Variants in RPP14 observed in about 807,000 individuals in gnomAD.
RPP14 encodes ribonuclease P protein subunit p14.
RPP14 carries 19 observed loss-of-function variants against 17.8 expected under a neutral mutation model. The observed-to-expected ratio is 1.07, with a 90% CI of 0.74 to 1.57. The LOEUF (loss-of-function observed/expected upper bound fraction) is 1.57, where lower values mean the gene tolerates loss of function less well. Among genes scored for constraint, RPP14 ranks in the 40% most tolerant of loss-of-function variants. RPP14 has a pLI of 0.00. For missense variants in RPP14, 125 were observed against 140.8 expected (o/e 0.89, Z 0.57); for synonymous variants, 60 against 56.4 (o/e 1.06, Z -0.29).
rs369455737 is a variant in RPP14, at chr3:58,316,134, A to G, written c.163-381A>G. Among the ~76,000 whole-genome samples the G allele has an allele frequency of 2.1e-3, 320 of 152,384 alleles. 2 individuals are homozygous for G. Among genetic ancestry groups the G allele is most frequent in the Middle Eastern group, 3.4e-3 (1 of 294 alleles). ...AACAAACAGACATGGCCTCTGCCACATGGACTAATGTCTTGGTTCTTGTAG... is the reference window on the plus strand; with the variant it reads ...AACAAACAGACATGGCCTCTGCCACGTGGACTAATGTCTTGGTTCTTGTAG... On this transcript the variant is annotated intron_variant, in intron 3 of 5. Transcript: ENST00000295959.
intron 3 of RPP14, chr3:58,315,624 T>G (rs534177589): frequency 1.3e-5 from 2 of 152,234 alleles, no homozygotes; most frequent in Non-Finnish European, 2.9e-5. Flanking sequence ...GACATTGACA[T>G]TGTGGGAGGC....
Position 58,319,036 on chromosome 3 carries a change from T to C in RPP14, c.*1540T>C, listed in dbSNP as rs2097491624. On this transcript the variant is annotated 3_prime_UTR_variant, in exon 6 of 6. Coordinates refer to ENST00000295959, the MANE Select transcript of RPP14 (RefSeq NM_007042.6). ...CTACTTTTAGAAATTCAGACCTAGATAGATTTGCATTTGGATAACAAATCC... is the reference window on the plus strand; with the variant it reads ...CTACTTTTAGAAATTCAGACCTAGACAGATTTGCATTTGGATAACAAATCC... 6.6e-6 allele frequency: 1 copy of C among 152,038 alleles called. No homozygotes were observed. Among genetic ancestry groups the C allele is most frequent in the Non-Finnish European group, 1.5e-5 (1 of 68,000 alleles). 9.4% of individuals were successfully genotyped at this position (152,038 alleles called of 1,614,324 possible).
chr3:58,310,126 G>A (rs531920880), intron 1 of RPP14, 183 bp from the exon 2 acceptor site: 9 of 564,090 alleles, frequency 1.6e-5, no homozygotes, highest in Admixed American at 6.2e-5. Context: ...CCTGAGCCTC[G>A]AGAGCCAGAG....
chr3:58,317,096 T>G, intron 5 of RPP14, 103 bp downstream of exon 5: 4 of 831,076 alleles, frequency 4.8e-6, no homozygotes, highest in Non-Finnish European at 2.0e-6. Context: ...TGTAATATGG[T>G]TAAAATGATC....
intron 4 of RPP14, 147 bp downstream of exon 4, chr3:58,316,738 C>A: frequency 1.1e-6 from 1 of 881,714 alleles, no homozygotes; most frequent in Non-Finnish European, 1.8e-6. Flanking sequence ...TATGAACATT[C>A]ATCCACCAGA....
chr3:58,315,089 C>T (rs1689768744), intron 3 of RPP14, among the ~76,000 whole-genome samples: 1 of 152,070 alleles, frequency 6.6e-6, no homozygotes, highest in African/African-American at 2.4e-5. Flanking sequence ...ACACAAAAGC[C>T]TGTACATGAA....
chr3:58,317,668 GTC>G lies in RPP14; in HGVS notation c.*174_*175del. 1 of 707,590 alleles carries G rather than the reference GTC, an allele frequency of 1.4e-6. No individual in the cohort carries two copies. The highest frequency in any genetic ancestry group is 2.6e-6 in the Non-Finnish European group (1 of 387,944). 43.8% of individuals were successfully genotyped at this position (707,590 alleles called of 1,614,324 possible). On this transcript the variant is annotated 3_prime_UTR_variant, in exon 6 of 6. Coordinates refer to ENST00000295959, the MANE Select transcript of RPP14 (RefSeq NM_007042.6). Reference sequence around the variant, plus strand: ...TTGGTGGGGTGGGCTTCGGAGGACAGTCTGTCTGAACCTGCCAGTGCTGACCC... The same window carrying G: ...TTGGTGGGGTGGGCTTCGGAGGACAGTGTCTGAACCTGCCAGTGCTGACCC...
intron 1 of RPP14, chr3:58,307,718 G>A (rs1432717067): frequency 1.3e-5 from 2 of 152,220 alleles, no homozygotes; most frequent in Non-Finnish European, 2.9e-5. Flanking sequence ...TGACTTTAAA[G>A]ATGACGATGA....
Position 58,318,349 on chromosome 3 carries a change from G to T in RPP14, c.*853G>T. 1 of 403,228 alleles carries T rather than the reference G, an allele frequency of 2.5e-6. No homozygotes were observed. Among genetic ancestry groups the T allele is most frequent in the Non-Finnish European group, 4.4e-6 (1 of 228,142 alleles). The allele number at this position is 403,228 out of a possible 1,614,324, so 25.0% of individuals were successfully genotyped here. A position where few individuals can be genotyped will look rare whatever the true frequency, so the allele number is the denominator to read the frequency against. On this transcript the variant is annotated 3_prime_UTR_variant, in exon 6 of 6. Coordinates refer to ENST00000295959, the MANE Select transcript of RPP14 (RefSeq NM_007042.6). ...CATTATCTGCCTGGGTTTTTTGTTT[G>T]TTTTTTGTTTTTTAATTCAAGAAGT...
At chr3:58,317,370 A>C in intron 5 of RPP14, 70 bp from the exon 6 acceptor site, 2 of 1,003,962 alleles carry the variant, frequency 2.0e-6, no homozygotes, top group Admixed American at 2.2e-5. Context: ...AAAACTGGGC[A>C]TGTTTCCCCA....
intron 1 of RPP14, chr3:58,310,025 C>A: frequency 3.1e-6 from 1 of 322,786 alleles, no homozygotes; most frequent in Non-Finnish European, 5.8e-6. Flanking sequence ...CATGGTGAAA[C>A]CCTGTCTCTA....
Position 58,316,994 on chromosome 3 carries a change from G to T in RPP14, c.318+1G>T. 1 of 1,609,748 alleles carries T rather than the reference G, an allele frequency of 6.2e-7. No individual in the cohort carries two copies. The highest frequency in any genetic ancestry group is 8.5e-7 in the Non-Finnish European group (1 of 1,176,284). Reference sequence around the variant, plus strand: ...AAAATGTGCTTTCCGGGTGATTCAGGTAAAGACTATTCCCTCACATATTCC... The same window carrying T: ...AAAATGTGCTTTCCGGGTGATTCAGTTAAAGACTATTCCCTCACATATTCC... On this transcript the variant is annotated splice_donor_variant, in intron 5 of 5. Coordinates refer to ENST00000295959, the MANE Select transcript of RPP14 (RefSeq NM_007042.6). LOFTEE classifies it high-confidence loss of function.
chr3:58,315,534 A>AC (rs2097487336), intron 3 of RPP14, among the ~76,000 whole-genome samples: 1 of 152,240 alleles, frequency 6.6e-6, no homozygotes, highest in African/African-American at 2.4e-5. Context: ...GAGTAGACAT[A>AC]CAATTGGTAA....
At chr3:58,315,070 CT>C (rs2097486874) in intron 3 of RPP14, among the ~76,000 whole-genome samples, 1 of 152,140 alleles carries the variant, frequency 6.6e-6, no homozygotes, top group African/African-American at 2.4e-5. Context: ...GGACTGAAAA[CT>C]TAAGTTCACA....
chr3:58,307,159 G>A (rs2097476187), intron 1 of RPP14, among the ~76,000 whole-genome samples: 1 of 152,254 alleles, frequency 6.6e-6, no homozygotes, highest in Non-Finnish European at 1.5e-5. Context: ...CGGGGATTGA[G>A]CGGAGGGAGA....
chr3:58,318,378 C>T lies in RPP14; in HGVS notation c.*882C>T. ...TTTGTTTTTTAATTCAAGAAGTAGG[C>T]TGGGCCCGGTGGCTCATGCCTGTAA... is the stretch of plus-strand genomic sequence containing the variant. On this transcript the variant is annotated 3_prime_UTR_variant, in exon 6 of 6. Coordinates refer to ENST00000295959, the MANE Select transcript of RPP14 (RefSeq NM_007042.6). The T allele has an allele frequency of 3.2e-6, 1 of 311,096 alleles. No individual in the cohort carries two copies. The allele number at this position is 311,096 out of a possible 1,614,324, so 19.3% of individuals were successfully genotyped here.
chr3:58,307,835 C>T (rs1434747780), intron 1 of RPP14: 1 of 151,826 alleles, frequency 6.6e-6, no homozygotes, highest in Admixed American at 6.6e-5. Flanking sequence ...TCAGAACAGC[C>T]TGCAGAGGGC....
Position 58,310,294 on chromosome 3 carries a change from C to T in RPP14, c.-21-15C>T. 3 of 1,590,514 alleles carry T rather than the reference C, an allele frequency of 1.9e-6. No individual in the cohort carries two copies. Among genetic ancestry groups the T allele is most frequent in the South Asian group, 1.1e-5 (1 of 90,294 alleles). On this transcript the variant is annotated splice_polypyrimidine_tract_variant and intron_variant, in intron 1 of 5. Transcript: ENST00000295959. ...ATGTGCATTGGTCATTTCTAGCCCT[C>T]TTGACTTACTGTAGGTGTGATCAGC...
chr3:58,307,412 C>T (rs1161635237), intron 1 of RPP14, among the ~76,000 whole-genome samples: 1 of 152,162 alleles, frequency 6.6e-6, no homozygotes, highest in East Asian at 1.9e-4. Context: ...AGGAGCATCC[C>T]TGCGCAGCCA....
Sources: gnomAD v4.1 joint callset for allele counts (sites outside exome capture counted in the v4.1 genomes callset) on GRCh38, gnomAD v4.1.1 for gene constraint, MANE v1.5 for transcripts, NCBI Gene and HGNC (gene_info 2026-07-23, HGNC 2026-07-21) for gene names.